Variants in EPB41 observed in about 807,000 individuals in gnomAD.
The protein encoded by EPB41 is erythrocyte membrane protein band 4.1, also known as protein 4.1.
In EPB41, 65 loss-of-function variants were observed where a neutral mutation model predicts 108.0. That is an observed-to-expected ratio of 0.60 (90% CI 0.49 to 0.74). The LOEUF (loss-of-function observed/expected upper bound fraction) is 0.74. Among genes scored for constraint, EPB41 ranks in the 30% least tolerant of loss-of-function variants. The pLI is 0.00. For missense variants in EPB41, 875 were observed against 1,037.0 expected, an observed-to-expected ratio of 0.84 and a Z score of 2.15; for synonymous variants, 336 against 358.9, an observed-to-expected ratio of 0.94 and a Z score of 0.72.
chr1:29,015,600 A>T, intron 5 of EPB41, 92 bp from the exon 6 acceptor site: 7 of 845,714 alleles, frequency 8.3e-6, no homozygotes, highest in Non-Finnish European at 1.3e-5. Flanking sequence ...AGAAAGAAAA[A>T]GAAAAAGAGA....
chr1:28,963,047 G>A (rs2095264039), intron 1 of EPB41, among the ~76,000 whole-genome samples: 1 of 151,970 alleles, frequency 6.6e-6, no homozygotes, highest in South Asian at 2.1e-4. Context: ...CCTTGTGCTT[G>A]GTGAGTGACA....
chr1:28,887,763 C>T lies in EPB41; in HGVS notation c.-8+553C>T. ...CCAGCTGGGGCGCCGGCTGTGCCCG[C>T]CAGGGTGGCCCCCCCGGCCGTCGCG... On this transcript the variant is annotated intron_variant, in intron 1 of 16. Coordinates refer to the EPB41 transcript ENST00000347529. This position sits in a 1 kb window ranked among gnomAD's most constrained non-coding sequence, Gnocchi z 4.9. 1.1e-6 allele frequency: 1 copy of T among 872,782 alleles called. No homozygotes were observed. The highest frequency in any genetic ancestry group is 1.4e-6 in the Non-Finnish European group (1 of 726,902). 54.1% of individuals were successfully genotyped at this position (872,782 alleles called of 1,614,324 possible).
chr1:28,960,497 G>A (rs1302485191), intron 1 of EPB41, among the ~76,000 whole-genome samples: 1 of 149,852 alleles, frequency 6.7e-6, no homozygotes, highest in Non-Finnish European at 1.5e-5. Flanking sequence ...GGAGGCTGAG[G>A]TGGGAGGATC....
rs2089595565 is a variant in EPB41, at chr1:28,887,723, C to T, written c.-8+513C>T. The T allele has an allele frequency of 1.0e-6, 1 of 982,664 alleles. No individual in the cohort carries two copies. Among genetic ancestry groups the T allele is most frequent in the Non-Finnish European group, 1.2e-6 (1 of 827,438 alleles). 60.9% of individuals were successfully genotyped at this position (982,664 alleles called of 1,614,324 possible). A position where few individuals can be genotyped will look rare whatever the true frequency, so the allele number is the denominator to read the frequency against. Reference sequence around the variant, plus strand: ...CGTAACTGACTTTGAGTTTCCGGACCCAGGAACCGACCCGCCAGCTGGGGC... The same window carrying T: ...CGTAACTGACTTTGAGTTTCCGGACTCAGGAACCGACCCGCCAGCTGGGGC... On this transcript the variant is annotated intron_variant, in intron 1 of 16. Coordinates refer to the EPB41 transcript ENST00000347529. The surrounding 1 kb of genome is among the most constrained non-coding windows in gnomAD (Gnocchi z 4.9).
intron 16 of EPB41, among the ~76,000 whole-genome samples, chr1:29,088,737 T>G (rs2151377531): frequency 6.6e-6 from 1 of 152,298 alleles, no homozygotes; most frequent in Middle Eastern, 3.4e-3. Context: ...GAACAGACTC[T>G]GTTAAGAGGA....
chr1:28,978,389 C>G (rs1353482898), intron 1 of EPB41, among the ~76,000 whole-genome samples: 1 of 151,518 alleles, frequency 6.6e-6, no homozygotes, highest in African/African-American at 2.4e-5. Flanking sequence ...TCTAAAATCC[C>G]TAATGTCTAC....
intron 6 of EPB41, 115 bp downstream of exon 6, chr1:29,015,882 A>G (rs2150022890): frequency 1.4e-6 from 1 of 732,134 alleles, no homozygotes; most frequent in South Asian, 1.7e-5. Flanking sequence ...AAGAAAAATA[A>G]TGATATTAAG....
At chr1:28,934,381 C>T (rs2093893568) in intron 1 of EPB41, among the ~76,000 whole-genome samples, 1 of 152,090 alleles carries the variant, frequency 6.6e-6, no homozygotes, top group South Asian at 2.1e-4. Context: ...ATACTGTACT[C>T]TTTAGATGAA....
chr1:29,076,772 G>A (rs984444113), intron 16 of EPB41, among the ~76,000 whole-genome samples: 1 of 152,156 alleles, frequency 6.6e-6, no homozygotes, highest in African/African-American at 2.4e-5. Flanking sequence ...GCCAAGCACG[G>A]TGGCTCATGC....
At chr1:29,056,904 C>T (rs1200794504) in intron 12 of EPB41, among the ~76,000 whole-genome samples, 1 of 152,106 alleles carries the variant, frequency 6.6e-6, no homozygotes, top group Admixed American at 6.5e-5. Context: ...AAAAAGAAGT[C>T]ATTATTCACT....
intron 1 of EPB41, chr1:28,982,384 T>TGATTG: frequency 1.4e-6 from 1 of 725,410 alleles, no homozygotes; most frequent in Non-Finnish European, 2.6e-6. Flanking sequence ...GTGATTGTAG[T>TGATTG]TACAAACTTT....
chr1:28,919,393 A>G (rs923745969), intron 1 of EPB41, among the ~76,000 whole-genome samples: 2 of 152,130 alleles, frequency 1.3e-5, no homozygotes, highest in African/African-American at 2.4e-5. Context: ...CAATCTGGGT[A>G]GGAACTGGGA....
intron 4 of EPB41, among the ~76,000 whole-genome samples, chr1:29,002,539 A>G (rs1397967801): frequency 1.3e-5 from 2 of 152,222 alleles, no homozygotes; most frequent in Non-Finnish European, 2.9e-5. Flanking sequence ...TTTATGTGTC[A>G]TAATCTAGAG....
In EPB41 at chr1:28,887,242, G is replaced by A. The variant is rs995419322; in HGVS notation, c.-8+32G>A. 66 of 1,278,906 alleles carry A rather than the reference G, an allele frequency of 5.2e-5. No individual in the cohort carries two copies. Among genetic ancestry groups the A allele is most frequent in the Non-Finnish European group, 6.5e-5 (64 of 984,288 alleles). 79.2% of individuals were successfully genotyped at this position (1,278,906 alleles called of 1,614,324 possible). A position where few individuals can be genotyped will look rare whatever the true frequency, so the allele number is the denominator to read the frequency against. On this transcript the variant is annotated intron_variant, in intron 1 of 16. Transcript: ENST00000347529. This position sits in a 1 kb window ranked among gnomAD's most constrained non-coding sequence, Gnocchi z 4.9. ...CTGGACCACCTGGGGGGCGACCCTC[G>A]GTCCCCGGGAGGGACGGGGTTAGGG...
At chr1:28,892,350 T>A (rs745434045) in intron 1 of EPB41, among the ~76,000 whole-genome samples, 44 of 152,152 alleles carry the variant, frequency 2.9e-4, no homozygotes, top group Non-Finnish European at 5.9e-4. Context: ...TATTGACCCA[T>A]GTTAATCCTC....
At chr1:29,073,962 T>G (rs904490808) in intron 16 of EPB41, among the ~76,000 whole-genome samples, 1 of 152,168 alleles carries the variant, frequency 6.6e-6, no homozygotes, top group Non-Finnish European at 1.5e-5. Flanking sequence ...TTCTCCTAGT[T>G]TCCTAAGTCA....
At chr1:29,089,250 A>G (rs1410172176) in intron 16 of EPB41, among the ~76,000 whole-genome samples, 1 of 152,242 alleles carries the variant, frequency 6.6e-6, no homozygotes, top group Admixed American at 6.5e-5. Context: ...GGACTAGACT[A>G]TGAGTCTGGT....
At chr1:29,010,879 G>A (rs890585609) in intron 4 of EPB41, among the ~76,000 whole-genome samples, 4 of 152,146 alleles carry the variant, frequency 2.6e-5, no homozygotes, top group South Asian at 4.1e-4. Flanking sequence ...TTGGGAGGCC[G>A]AGCCGGGCAG....
chr1:28,908,096 A>G (rs1192373321), intron 1 of EPB41, among the ~76,000 whole-genome samples: 1 of 152,114 alleles, frequency 6.6e-6, no homozygotes, highest in Non-Finnish European at 1.5e-5. Context: ...CACATAGTAA[A>G]TACCTCATAA....
Sources: allele counts gnomAD v4.1 joint callset (sites outside exome capture counted in the v4.1 genomes callset), GRCh38; gene constraint gnomAD v4.1.1; non-coding constraint Gnocchi (gnomAD v3.1); transcripts MANE v1.5; gene names NCBI Gene and HGNC (gene_info 2026-07-23, HGNC 2026-07-21).